Variants in RGSL1 observed in about 807,000 individuals in gnomAD.
The protein encoded by RGSL1 is regulator of G protein signaling like 1, also known as regulator of G protein signaling protein-like.
A neutral mutation model predicts 124.7 loss-of-function variants in RGSL1; 97 were observed. That is an observed-to-expected ratio of 0.78 (90% CI 0.66 to 0.92). The LOEUF is 0.92. RGSL1 is among the 40% of genes least tolerant of loss of function. The pLI is 0.00. For synonymous variants in RGSL1, 424 were observed against 438.1 expected (o/e 0.97, Z 0.40); for missense variants, 1,233 against 1,288.4 (o/e 0.96, Z 0.66).
At chr1:182,531,480 C>T (rs1437269961) in intron 13 of RGSL1, among the ~76,000 whole-genome samples, 6 of 152,156 alleles carry the variant, frequency 3.9e-5, no homozygotes, top group Non-Finnish European at 7.4e-5. Context: ...TACATGCCCC[C>T]TTAGAGATTC....
At chr1:182,499,716 A>G (rs1345053832) in intron 9 of RGSL1, among the ~76,000 whole-genome samples, 3 of 152,168 alleles carry the variant, frequency 2.0e-5, no homozygotes, top group Non-Finnish European at 4.4e-5. Context: ...TTCTGTCCTC[A>G]TTAGCTGGTT....
intron 15 of RGSL1, among the ~76,000 whole-genome samples, chr1:182,543,158 C>T (rs1659994253): frequency 6.6e-6 from 1 of 152,078 alleles, no homozygotes; most frequent in Admixed American, 6.6e-5. Flanking sequence ...TTCAATTTTT[C>T]CCCATTCTAT....
chr1:182,447,921 C>A (rs1651577514), upstream of RGSL1: 2 of 151,516 alleles, frequency 1.3e-5, no homozygotes, highest in South Asian at 4.2e-4. Flanking sequence ...AAAATCAGGT[C>A]CCTCATCCAA....
At chr1:182,471,138 C>T (rs1170458207) in intron 4 of RGSL1, 1 of 379,392 alleles carries the variant, frequency 2.6e-6, no homozygotes, top group African/African-American at 2.1e-5. Context: ...AAAAGCACCA[C>T]ATAATCTGGA....
intron 2 of RGSL1, among the ~76,000 whole-genome samples, chr1:182,457,220 A>T (rs1184438698): frequency 2.0e-5 from 3 of 152,154 alleles, no homozygotes; most frequent in African/African-American, 7.2e-5. Flanking sequence ...CGGTTCTAGG[A>T]GCTGACCAGG....
At chr1:182,532,599 G>T (rs143012623) in intron 13 of RGSL1, 63 bp from the exon 14 acceptor site, 1 of 1,512,716 alleles carries the variant, frequency 6.6e-7, no homozygotes, top group Non-Finnish European at 8.9e-7. Context: ...TTGGCACACA[G>T]TAGACTCTCG....
intron 14 of RGSL1, among the ~76,000 whole-genome samples, chr1:182,536,200 A>G (rs970560081): frequency 2.0e-5 from 3 of 152,100 alleles, no homozygotes; most frequent in Non-Finnish European, 4.4e-5. Context: ...TCATTCACCA[A>G]TTGTTACATA....
chr1:182,520,671 T>C (rs1571640404), intron 9 of RGSL1, among the ~76,000 whole-genome samples: 1 of 152,194 alleles, frequency 6.6e-6, no homozygotes, highest in Admixed American at 6.5e-5. Context: ...GTGTTTTGTA[T>C]TGGGAGGGTT....
intron 9 of RGSL1, among the ~76,000 whole-genome samples, chr1:182,498,377 G>C (rs894644097): frequency 6.6e-6 from 1 of 151,928 alleles, no homozygotes; most frequent in East Asian, 1.9e-4. Flanking sequence ...TATTTGAAGA[G>C]CCTCATTCCT....
At chr1:182,502,966 C>T (rs1286785909) in intron 9 of RGSL1, among the ~76,000 whole-genome samples, 2 of 152,120 alleles carry the variant, frequency 1.3e-5, no homozygotes, top group Non-Finnish European at 2.9e-5. Flanking sequence ...TGTCATCTCA[C>T]CCCAGTTAAA....
intron 10 of RGSL1, among the ~76,000 whole-genome samples, chr1:182,524,094 G>C (rs546429065): frequency 8.5e-5 from 13 of 152,250 alleles, no homozygotes; most frequent in African/African-American, 3.1e-4. Flanking sequence ...GAAGTATAGA[G>C]TGCATGCGGT....
chr1:182,487,794 A>G (rs1414673849), intron 6 of RGSL1, among the ~76,000 whole-genome samples: 1 of 152,186 alleles, frequency 6.6e-6, no homozygotes, highest in Non-Finnish European at 1.5e-5. Flanking sequence ...TGAAACTGAG[A>G]GTATGGGTTA....
chr1:182,553,369 C>A, intron 18 of RGSL1, 86 bp from the exon 19 acceptor site: 2 of 971,712 alleles, frequency 2.1e-6, no homozygotes, highest in Non-Finnish European at 3.2e-6. Context: ...GTGTGTTAAA[C>A]AAGAGCTTTA....
intron 17 of RGSL1, 177 bp downstream of exon 17, chr1:182,549,001 A>G: frequency 1.4e-6 from 1 of 696,826 alleles, no homozygotes; most frequent in Non-Finnish European, 2.3e-6. Flanking sequence ...AACACCAAAC[A>G]CTGAATCCAC....
At chr1:182,524,701 G>T (rs1413348305) in intron 10 of RGSL1, among the ~76,000 whole-genome samples, 2 of 152,146 alleles carry the variant, frequency 1.3e-5, no homozygotes, top group Non-Finnish European at 2.9e-5. Flanking sequence ...CCAACAGAGG[G>T]CACTGATATG....
chr1:182,492,911 G>T (rs1655638647), intron 8 of RGSL1, 111 bp from the exon 9 acceptor site: 8 of 729,998 alleles, frequency 1.1e-5, no homozygotes, highest in Admixed American at 4.6e-5. Flanking sequence ...TTACAAACGT[G>T]AGCCACTGCG....
Position 182,548,700 on chromosome 1 carries a change from G to A in RGSL1, c.2809G>A (p.Val937Met), listed in dbSNP as rs1660376101. ...LNSDIPPKLR[V>M]NVPEFQKDAI... ...TGACAGGCTCCCACTCTGTGGGTAG[G>A]TGAATGTCCCTGAGTTCCAGAAGGA... The change falls in exon 17 of 22, where the codon GTG becomes ATG. Residue 937 changes from valine (V) to methionine (M), a missense_variant and splice_region_variant. Val to Met is a conservative substitution (Grantham distance 21). Coordinates refer to ENST00000294854, the MANE Select transcript of RGSL1 (RefSeq NM_001137669.2). The A allele has an allele frequency of 6.4e-7, 1 of 1,551,394 alleles. No individual in the cohort carries two copies. Among genetic ancestry groups the A allele is most frequent in the South Asian group, 1.2e-5 (1 of 84,038 alleles).
chr1:182,542,392 C>G (rs1659949864), intron 15 of RGSL1, among the ~76,000 whole-genome samples: 1 of 152,134 alleles, frequency 6.6e-6, no homozygotes, highest in African/African-American at 2.4e-5. Flanking sequence ...GGATTTATAT[C>G]TGAATTGTCT....
intron 21 of RGSL1, among the ~76,000 whole-genome samples, chr1:182,559,017 G>A (rs958162985): frequency 1.3e-5 from 2 of 152,142 alleles, no homozygotes; most frequent in Admixed American, 6.5e-5. Context: ...CCTCTGATGC[G>A]ATTATTGCCT....
Sources: gnomAD v4.1 joint callset for allele counts (sites outside exome capture counted in the v4.1 genomes callset) on GRCh38, gnomAD v4.1.1 for gene constraint, MANE v1.5 for transcripts, NCBI Gene and HGNC (gene_info 2026-07-23, HGNC 2026-07-21) for gene names.